Variants in MAGI2 observed in about 807,000 individuals in gnomAD.
MAGI2 encodes membrane-associated guanylate kinase, WW and PDZ domain-containing protein 2.
A neutral mutation model predicts 133.3 loss-of-function variants in MAGI2; 35 were observed. That is an observed-to-expected ratio of 0.26 (90% CI 0.20 to 0.35). The LOEUF (loss-of-function observed/expected upper bound fraction) is 0.35. Ranked by LOEUF, MAGI2 falls within the 10% of genes least tolerant of loss-of-function variation. MAGI2 has a pLI of 1.00. For missense variants in MAGI2, 1,636 were observed against 1,863.4 expected, an observed-to-expected ratio of 0.88 and a Z score of 2.25; for synonymous variants, 729 against 710.6, an observed-to-expected ratio of 1.03 and a Z score of -0.41.
At chr7:78,123,543 G>A (rs1413459431) in intron 20 of MAGI2, among the ~76,000 whole-genome samples, 1 of 152,154 alleles carries the variant, frequency 6.6e-6, no homozygotes, top group Non-Finnish European at 1.5e-5. Context: ...CGGGCAGTGC[G>A]ATACCATGAT....
At chr7:78,876,860 T>G (rs1795463184) in intron 2 of MAGI2, among the ~76,000 whole-genome samples, 1 of 150,636 alleles carries the variant, frequency 6.6e-6, no homozygotes, top group Non-Finnish European at 1.5e-5. Context: ...TGGAAATCTT[T>G]TGTACATATG....
intron 1 of MAGI2, among the ~76,000 whole-genome samples, chr7:79,396,498 A>C (rs1417247148): frequency 6.6e-6 from 1 of 152,194 alleles, no homozygotes; most frequent in African/African-American, 2.4e-5. Flanking sequence ...TTCTTTAAAC[A>C]ACATTTTTAA....
intron 1 of MAGI2, among the ~76,000 whole-genome samples, chr7:79,192,436 C>T (rs1005102579): frequency 3.3e-5 from 5 of 151,722 alleles, no homozygotes; most frequent in Non-Finnish European, 5.9e-5. Context: ...TTTGCCTTTA[C>T]ATAATTTATA....
intron 1 of MAGI2, among the ~76,000 whole-genome samples, chr7:79,378,251 C>T (rs1585763160): frequency 8.9e-6 from 1 of 112,788 alleles, no homozygotes; most frequent in South Asian, 3.6e-4. Flanking sequence ...TTGAAATTAA[C>T]ACAAGTTTCA....
intron 1 of MAGI2, among the ~76,000 whole-genome samples, chr7:79,368,960 G>A (rs1010134690): frequency 1.3e-5 from 2 of 151,644 alleles, no homozygotes; most frequent in Non-Finnish European, 2.9e-5. Flanking sequence ...CCTGTGTGGT[G>A]GTCTACTTCT....
At chr7:78,398,660 G>A (rs557101113) in intron 6 of MAGI2, among the ~76,000 whole-genome samples, 66 of 151,860 alleles carry the variant, frequency 4.3e-4, no homozygotes, top group South Asian at 1.9e-3. Flanking sequence ...TTTCTGAAAC[G>A]TAGTAAGAAA....
intron 1 of MAGI2, among the ~76,000 whole-genome samples, chr7:79,079,428 G>A (rs955241242): frequency 3.3e-5 from 5 of 152,076 alleles, no homozygotes; most frequent in African/African-American, 1.2e-4. Context: ...AAGGTTTCTG[G>A]TCTAATTGCT....
chr7:78,232,585 T>A (rs186580423), intron 10 of MAGI2, among the ~76,000 whole-genome samples: 2 of 152,296 alleles, frequency 1.3e-5, no homozygotes, highest in African/African-American at 2.4e-5. Context: ...GGACTAGGCA[T>A]CTTCCAGTCC....
intron 2 of MAGI2, among the ~76,000 whole-genome samples, chr7:78,758,284 A>G (rs1430630955): frequency 1.3e-5 from 2 of 151,766 alleles, no homozygotes; most frequent in Non-Finnish European, 2.9e-5. Context: ...CTGTTTTATT[A>G]TATATCCCAA....
chr7:78,719,658 A>G lies in MAGI2; in HGVS notation c.419-92419T>C, dbSNP rs551126527. ...GGTCATGCCAAGGGTTTGGAATCCT[A>G]TTGCTGCTATTAAGAGCTCTTTCTA... On this transcript the variant is annotated intron_variant, in intron 2 of 21. Coordinates refer to ENST00000354212, the MANE Select transcript of MAGI2 (RefSeq NM_012301.4). 2.0e-3 allele frequency among the ~76,000 whole-genome samples: 307 copies of G among 152,304 alleles called. 15 individuals are homozygous for G. The South Asian group carries it at 0.062, about 31-fold the overall frequency.
chr7:78,340,669 C>T lies in MAGI2; in HGVS notation c.1408+3109G>A, dbSNP rs531033558. The stretch of plus-strand genomic sequence containing the variant: ...GGTTCAACATATGCAAATCAATAAA[C>T]GTAATCCATCACATAAGCAGAATCA... On this transcript the variant is annotated intron_variant, in intron 9 of 21. Transcript: ENST00000354212. 2.6e-5 allele frequency among the ~76,000 whole-genome samples: 4 copies of T among 152,148 alleles called. No individual in the cohort carries two copies. In the East Asian group the frequency reaches 5.8e-4, roughly 22 times the overall value.
At chr7:78,888,853 C>T (rs1372995309) in intron 2 of MAGI2, among the ~76,000 whole-genome samples, 1 of 152,174 alleles carries the variant, frequency 6.6e-6, no homozygotes, top group Non-Finnish European at 1.5e-5. Flanking sequence ...CAGCTACTCA[C>T]TAGCAATGGA....
chr7:78,244,571 T>G (rs1791560173), intron 10 of MAGI2, among the ~76,000 whole-genome samples: 1 of 152,194 alleles, frequency 6.6e-6, no homozygotes, highest in Non-Finnish European at 1.5e-5. Context: ...TGATTGCTTT[T>G]AAGACATCAG....
chr7:79,269,241 T>G (rs1834699073), intron 1 of MAGI2, among the ~76,000 whole-genome samples: 1 of 152,178 alleles, frequency 6.6e-6, no homozygotes, highest in African/African-American at 2.4e-5. Flanking sequence ...TTTAAAGGCA[T>G]TTAATGGAGC....
At chr7:78,502,746 A>G (rs533796892) in intron 4 of MAGI2, among the ~76,000 whole-genome samples, 1 of 152,202 alleles carries the variant, frequency 6.6e-6, no homozygotes, top group African/African-American at 2.4e-5. Context: ...CTACTGTACA[A>G]CAGAGCAAAA....
chr7:78,272,536 G>T (rs770618186), intron 9 of MAGI2, among the ~76,000 whole-genome samples: 1 of 152,060 alleles, frequency 6.6e-6, no homozygotes, highest in Non-Finnish European at 1.5e-5. Flanking sequence ...TGTTGACAGT[G>T]GTGTGTTAAA....
At chr7:78,371,431 A>C (rs927641941) in intron 6 of MAGI2, among the ~76,000 whole-genome samples, 4 of 152,004 alleles carry the variant, frequency 2.6e-5, no homozygotes, top group African/African-American at 4.8e-5. Context: ...AATCATGTTC[A>C]ATAAACATAA....
intron 3 of MAGI2, among the ~76,000 whole-genome samples, chr7:78,606,379 A>G (rs1332312272): frequency 6.6e-6 from 1 of 152,126 alleles, no homozygotes; most frequent in Non-Finnish European, 1.5e-5. Context: ...TTTGCATATG[A>G]TGGCCTACTT....
chr7:78,597,146 A>G lies in MAGI2; in HGVS notation c.538+29974T>C, dbSNP rs138246540. Among the ~76,000 whole-genome samples, 5 of 152,310 alleles carry G rather than the reference A, an allele frequency of 3.3e-5. No individual in the cohort carries two copies. The East Asian group carries it at 9.6e-4, about 29-fold the overall frequency. ...GTTGGTAGAAAGGAGGCTAACCAGA[A>G]AGACAAGCTTGAAAAACATGCTGGC... On this transcript the variant is annotated intron_variant, in intron 3 of 21. Transcript: ENST00000354212.
Sources: gnomAD v4.1 joint callset for allele counts (sites outside exome capture counted in the v4.1 genomes callset) on GRCh38, gnomAD v4.1.1 for gene constraint, MANE v1.5 for transcripts, NCBI Gene and HGNC (gene_info 2026-07-23, HGNC 2026-07-21) for gene names.